ZNF723: variants seen among roughly 807,000 people sequenced by gnomAD.
ZNF723 encodes the protein zinc finger protein 723, pseudogene.
ZNF723 carries 5 observed loss-of-function variants against 9.4 expected under a neutral mutation model. The observed-to-expected ratio is 0.53, with a 90% CI of 0.28 to 1.12. The LOEUF (loss-of-function observed/expected upper bound fraction) is 1.12, where lower values mean the gene tolerates loss of function less well. Among genes scored for constraint, ZNF723 ranks in the 50% most tolerant of loss-of-function variants. The pLI is 0.10. For synonymous variants in ZNF723, 158 were observed against 168.8 expected (o/e 0.94, Z 0.49); for missense variants, 450 against 501.5 (o/e 0.90, Z 0.98).
chr19:22,827,422 A>G (rs1463685841), upstream of ZNF723, among the ~76,000 whole-genome samples: 1 of 134,638 alleles, frequency 7.4e-6, no homozygotes, highest in African/African-American at 3.3e-5. Flanking sequence ...CATGGTTTCA[A>G]CTATTTTTTT....
At chr19:22,852,623 A>G (rs1292237564) in intron 3 of ZNF723, among the ~76,000 whole-genome samples, 2 of 152,190 alleles carry the variant, frequency 1.3e-5, no homozygotes, top group African/African-American at 2.4e-5. Context: ...ACAATAATTT[A>G]AAAACTTATC....
the ZNF723 span, among the ~76,000 whole-genome samples, chr19:22,826,952 C>T: frequency 6.6e-6 from 1 of 152,124 alleles, no homozygotes; most frequent in Non-Finnish European, 1.5e-5. Flanking sequence ...TGATCCACTG[C>T]TTTTAACCTA....
chr19:22,813,028 C>T, the ZNF723 span, among the ~76,000 whole-genome samples: 9 of 152,080 alleles, frequency 5.9e-5, no homozygotes, highest in African/African-American at 2.4e-5. Context: ...GGCTGGAGTA[C>T]GGTGTCATGA....
At chr19:22,817,798 T>C in the ZNF723 span, among the ~76,000 whole-genome samples, 1 of 151,796 alleles carries the variant, frequency 6.6e-6, no homozygotes. Flanking sequence ...GTCTCTTCTT[T>C]ATACAAAGGT....
chr19:22,812,954 TTTTG>T, the ZNF723 span, among the ~76,000 whole-genome samples: 21 of 151,304 alleles, frequency 1.4e-4, no homozygotes, highest in South Asian at 4.2e-4. Context: ...AAGGTGTTTT[TTTTG>T]TTTGTTTGTT....
At chr19:22,841,222 CCTCCTGTT>C (rs1334840005) in intron 1 of ZNF723, among the ~76,000 whole-genome samples, 1 of 152,228 alleles carries the variant, frequency 6.6e-6, no homozygotes, top group African/African-American at 2.4e-5. Flanking sequence ...GCAGAATTAA[CCTCCTGTT>C]ATGAAGATGT....
At chr19:22,818,951 C>G in the ZNF723 span, among the ~76,000 whole-genome samples, 3 of 152,186 alleles carry the variant, frequency 2.0e-5, no homozygotes, top group Non-Finnish European at 4.4e-5. Flanking sequence ...TGTGACATAT[C>G]TCTGCACCTA....
chr19:22,829,239 A>AC (rs1204353252), upstream of ZNF723, among the ~76,000 whole-genome samples: 3 of 151,924 alleles, frequency 2.0e-5, no homozygotes, highest in African/African-American at 7.3e-5. Context: ...AAAAAAAAAA[A>AC]AAACACAGTT....
chr19:22,841,460 C>G (rs1386465408), intron 1 of ZNF723, among the ~76,000 whole-genome samples: 1 of 152,134 alleles, frequency 6.6e-6, no homozygotes, highest in Non-Finnish European at 1.5e-5. Context: ...AAACAGTTTT[C>G]TTTCTGTTCT....
intron 1 of ZNF723, among the ~76,000 whole-genome samples, chr19:22,846,888 G>A (rs1000498008): frequency 7.7e-6 from 1 of 129,924 alleles, no homozygotes; most frequent in African/African-American, 3.0e-5. Context: ...ACAGGCATGA[G>A]CCACTACCCC....
rs1223526080 is a variant in ZNF723 at position 22,858,430 on chromosome 19, GT to G, written c.1540del (p.Ter514AspfsTer23). 2.9e-6 allele frequency: 2 copies of G among 685,324 alleles called. No homozygotes were observed. Among genetic ancestry groups the G allele is most frequent in the Non-Finnish European group, 4.9e-6 (2 of 405,804 alleles). The allele number at this position is 685,324 out of a possible 1,614,324, so 42.5% of individuals were successfully genotyped here. On this transcript the variant is annotated frameshift_variant and stop_lost, in exon 4 of 4. Coordinates refer to ENST00000600766, the MANE Select transcript of ZNF723 (RefSeq NM_001349726.2). LOFTEE classifies it high-confidence loss of function. ...TKEKSQTLKM[*>X] ...AAGAGAAATCACAAACCTTAAAGATGTGACAATGCTTTTTATGAAATCCCAA... is the reference window on the plus strand; with the variant it reads ...AAGAGAAATCACAAACCTTAAAGATGGACAATGCTTTTTATGAAATCCCAA...
the ZNF723 span, among the ~76,000 whole-genome samples, chr19:22,818,689 C>G: frequency 1.3e-5 from 2 of 152,196 alleles, no homozygotes; most frequent in Non-Finnish European, 2.9e-5. Flanking sequence ...AGTGATTTTA[C>G]TTTCCTGTAT....
chr19:22,837,309 AAAG>A (rs1568403434), intron 1 of ZNF723, among the ~76,000 whole-genome samples: 2 of 144,248 alleles, frequency 1.4e-5, no homozygotes, highest in Non-Finnish European at 3.0e-5. Flanking sequence ...AGAAAAAAGA[AAAG>A]AAAGAAAGAA....
chr19:22,842,231 T>C (rs1364636316), intron 1 of ZNF723, among the ~76,000 whole-genome samples: 6 of 152,168 alleles, frequency 3.9e-5, no homozygotes, highest in Non-Finnish European at 8.8e-5. Flanking sequence ...TGTTGAACTC[T>C]TGACCTCAGG....
At chr19:22,824,636 A>C in the ZNF723 span, among the ~76,000 whole-genome samples, 1 of 152,344 alleles carries the variant, frequency 6.6e-6, no homozygotes, top group East Asian at 1.9e-4. Flanking sequence ...AGAGAGTGTC[A>C]TAACAAAGCC....
chr19:22,826,450 A>G, the ZNF723 span, among the ~76,000 whole-genome samples: 3 of 152,332 alleles, frequency 2.0e-5, no homozygotes, highest in Non-Finnish European at 4.4e-5. Flanking sequence ...TACATCACTT[A>G]CTCATATTAC....
upstream of ZNF723, among the ~76,000 whole-genome samples, chr19:22,831,499 G>C (rs1467053500): frequency 6.6e-6 from 1 of 152,030 alleles, no homozygotes; most frequent in Non-Finnish European, 1.5e-5. Context: ...GGAGGTTGCA[G>C]TGAGGCGAGA....
the ZNF723 span, among the ~76,000 whole-genome samples, chr19:22,826,476 G>A: frequency 0.013 from 2,033 of 152,306 alleles, 41 homozygotes; most frequent in African/African-American, 0.047. Flanking sequence ...GCAGTCAAGT[G>A]TACAGAGAGT....
At chr19:22,850,319 G>A (rs547183568) in intron 3 of ZNF723, among the ~76,000 whole-genome samples, 2 of 151,882 alleles carry the variant, frequency 1.3e-5, no homozygotes, top group East Asian at 1.9e-4. Flanking sequence ...TGATTCTGCT[G>A]CCTCAGCCTC....
Sources: gnomAD v4.1 joint callset for allele counts (sites outside exome capture counted in the v4.1 genomes callset) on GRCh38, gnomAD v4.1.1 for gene constraint, MANE v1.5 for transcripts, NCBI Gene and HGNC (gene_info 2026-07-23, HGNC 2026-07-21) for gene names.